The following SEPTIN14 variants were observed in gnomAD, a reference collection of about 807,000 sequenced individuals.
SEPTIN14 encodes septin 14.
In SEPTIN14, 40 loss-of-function variants were observed where a neutral mutation model predicts 53.6. The ratio of observed to expected loss-of-function variants is 0.75; its 90% CI spans 0.58 to 0.97. The LOEUF (loss-of-function observed/expected upper bound fraction) is 0.97. SEPTIN14 is among the 50% of genes least tolerant of loss of function. The probability of loss-of-function intolerance (pLI) is 0.00; values close to 1 mark genes in which losing one functional copy is unlikely to be tolerated. For missense variants in SEPTIN14, 471 were observed against 508.2 expected (o/e 0.93, Z 0.70); for synonymous variants, 138 against 166.8 (o/e 0.83, Z 1.33).
chr7:55,841,057 G>C (rs560724800), intron 5 of SEPTIN14, among the ~76,000 whole-genome samples: 1 of 152,130 alleles, frequency 6.6e-6, no homozygotes, highest in South Asian at 2.1e-4. Flanking sequence ...CTGCTACAAC[G>C]CCCAGCTAAT....
chr7:55,850,252 A>T (rs980717414), intron 2 of SEPTIN14, among the ~76,000 whole-genome samples: 5 of 152,314 alleles, frequency 3.3e-5, no homozygotes, highest in Non-Finnish European at 7.3e-5. Flanking sequence ...GGGTTGGATC[A>T]CCTGAGGTCA....
intron 2 of SEPTIN14, among the ~76,000 whole-genome samples, chr7:55,848,679 C>T (rs1431891287): frequency 6.8e-6 from 1 of 147,652 alleles, no homozygotes; most frequent in African/African-American, 2.5e-5. Context: ...GGCACGATGG[C>T]TCACTGCAAG....
intron 5 of SEPTIN14, 64 bp from the exon 6 acceptor site, chr7:55,834,650 T>C: frequency 7.1e-7 from 1 of 1,411,660 alleles, no homozygotes; most frequent in Non-Finnish European, 9.6e-7. Context: ...TTGTTTTTTG[T>C]TTTTTGTTTT....
At chr7:55,812,471 G>A (rs142308619) in intron 7 of SEPTIN14, among the ~76,000 whole-genome samples, 31 of 152,164 alleles carry the variant, frequency 2.0e-4, no homozygotes, top group African/African-American at 7.2e-4. Context: ...TTGATCAAAC[G>A]GTACGAAGTT....
intron 5 of SEPTIN14, among the ~76,000 whole-genome samples, chr7:55,839,439 C>A (rs1473554441): frequency 2.0e-5 from 3 of 150,322 alleles, no homozygotes; most frequent in Non-Finnish European, 1.5e-5. Context: ...GTAACTTTCA[C>A]ATAACTTTTA....
chr7:55,802,940 C>T (rs28412893), intron 9 of SEPTIN14, among the ~76,000 whole-genome samples: 26,654 of 145,580 alleles, frequency 0.18, 3,145 homozygotes, highest in East Asian at 0.43. Flanking sequence ...TGAAACTGAA[C>T]TTTTTTTTTT....
At chr7:55,804,882 A>G (rs2115960378) in intron 9 of SEPTIN14, among the ~76,000 whole-genome samples, 1 of 152,300 alleles carries the variant, frequency 6.6e-6, no homozygotes, top group African/African-American at 2.4e-5. Flanking sequence ...ATTAGTCAAC[A>G]TTTGCTTTTT....
chr7:55,834,199 A>G (rs1250661144), intron 6 of SEPTIN14, among the ~76,000 whole-genome samples: 1 of 152,250 alleles, frequency 6.6e-6, no homozygotes, highest in Non-Finnish European at 1.5e-5. Flanking sequence ...TTTATGAGGC[A>G]GCATCCCCTT....
chr7:55,804,541 G>C, intron 9 of SEPTIN14, among the ~76,000 whole-genome samples: 1 of 152,102 alleles, frequency 6.6e-6, no homozygotes, highest in East Asian at 1.9e-4. Flanking sequence ...TTATAGGTGT[G>C]AGCCACCGCA....
chr7:55,836,737 TCAACAA>T (rs58358966), intron 5 of SEPTIN14, among the ~76,000 whole-genome samples: 1 of 151,908 alleles, frequency 6.6e-6, no homozygotes, highest in African/African-American at 2.4e-5. Flanking sequence ...AAACTCCGTC[TCAACAA>T]CAACAACAAC....
At chr7:55,833,349 TACACACACACAAAC>T (rs1166682701) in intron 6 of SEPTIN14, among the ~76,000 whole-genome samples, 1 of 150,292 alleles carries the variant, frequency 6.7e-6, no homozygotes, top group Non-Finnish European at 1.5e-5. Context: ...AACCTAACTT[TACACACACACAAAC>T]ACACACACAC....
In SEPTIN14 at chr7:55,793,838, G is replaced by T. The variant is rs1330659737; in HGVS notation, c.*2075C>A. ...GGAAATGAGAATAGAAACAAAACTTGTCACTACAAAAAAAATCAACTAAAG... is the reference window on the plus strand; with the variant it reads ...GGAAATGAGAATAGAAACAAAACTTTTCACTACAAAAAAAATCAACTAAAG... On this transcript the variant is annotated 3_prime_UTR_variant, in exon 10 of 10. Coordinates refer to ENST00000388975, the MANE Select transcript of SEPTIN14 (RefSeq NM_207366.3). The T allele has an allele frequency of 6.6e-6, 1 of 151,862 alleles. No individual in the cohort carries two copies. Among genetic ancestry groups the T allele is most frequent in the Non-Finnish European group, 1.5e-5 (1 of 67,934 alleles). The allele number at this position is 151,862 out of a possible 1,614,324, so 9.4% of individuals were successfully genotyped here.
intron 2 of SEPTIN14, among the ~76,000 whole-genome samples, 153 bp from the exon 3 acceptor site, chr7:55,846,790 G>C (rs1284656439): frequency 6.6e-6 from 1 of 152,098 alleles, no homozygotes; most frequent in Non-Finnish European, 1.5e-5. Context: ...GTAAATTTGT[G>C]AAAATAGAAG....
chr7:55,821,673 T>C (rs1319512467), intron 6 of SEPTIN14, among the ~76,000 whole-genome samples: 1 of 152,212 alleles, frequency 6.6e-6, no homozygotes, highest in Non-Finnish European at 1.5e-5. Flanking sequence ...CTTCTGTTGA[T>C]GGATATTTGG....
chr7:55,827,629 T>C (rs1185694640), intron 6 of SEPTIN14, among the ~76,000 whole-genome samples: 1 of 152,190 alleles, frequency 6.6e-6, no homozygotes, highest in African/African-American at 2.4e-5. Context: ...TGGGTAAGCT[T>C]TGTGGTCCAG....
rs774763297 is a variant in SEPTIN14 at position 55,834,378 on chromosome 7, A to G, written c.720+47T>C. 2.8e-6 allele frequency: 4 copies of G among 1,452,542 alleles called. No homozygotes were observed. In the South Asian group the frequency reaches 3.9e-5, roughly 14 times the overall value. The allele number at this position is 1,452,542 out of a possible 1,614,324, so 90.0% of individuals were successfully genotyped here. A position where few individuals can be genotyped will look rare whatever the true frequency, so the allele number is the denominator to read the frequency against. On this transcript the variant is annotated intron_variant, in intron 6 of 9. Coordinates refer to ENST00000388975, the MANE Select transcript of SEPTIN14 (RefSeq NM_207366.3). ...AAAATTCTCACACTGGATTCTGGATAAACACTCATTTCTAGCCTCTTTGTC... is the reference window on the plus strand; with the variant it reads ...AAAATTCTCACACTGGATTCTGGATGAACACTCATTTCTAGCCTCTTTGTC...
At chr7:55,848,918 A>G (rs1188631210) in intron 2 of SEPTIN14, among the ~76,000 whole-genome samples, 3 of 152,082 alleles carry the variant, frequency 2.0e-5, no homozygotes, top group African/African-American at 7.2e-5. Context: ...ACTAATAGAG[A>G]TTTTAAAACA....
At chr7:55,822,539 C>T (rs1261845394) in intron 6 of SEPTIN14, among the ~76,000 whole-genome samples, 3 of 151,228 alleles carry the variant, frequency 2.0e-5, no homozygotes, top group Non-Finnish European at 2.9e-5. Context: ...GTGGCATGGG[C>T]AAAATAATAG....
intron 7 of SEPTIN14, among the ~76,000 whole-genome samples, chr7:55,808,158 C>G (rs1174484492): frequency 2.6e-5 from 4 of 152,084 alleles, no homozygotes; most frequent in African/African-American, 9.7e-5. Context: ...CCAAATAGAC[C>G]TAATGGACAT....
Sources: allele counts gnomAD v4.1 joint callset (sites outside exome capture counted in the v4.1 genomes callset), GRCh38; gene constraint gnomAD v4.1.1; transcripts MANE v1.5; gene names NCBI Gene and HGNC (gene_info 2026-07-23, HGNC 2026-07-21).